NLGN4X: variants seen among roughly 807,000 people sequenced by gnomAD.
The protein encoded by NLGN4X is neuroligin-4, X-linked.
NLGN4X carries 3 observed loss-of-function variants against 40.3 expected under a neutral mutation model. That is an observed-to-expected ratio of 0.07 (90% confidence interval 0.03 to 0.19). The LOEUF (loss-of-function observed/expected upper bound fraction) is 0.19. Among genes scored for constraint, NLGN4X ranks in the 10% least tolerant of loss-of-function variants. The pLI, the probability that NLGN4X is intolerant of heterozygous loss-of-function variation, is 1.00. For synonymous variants in NLGN4X, 270 were observed against 306.8 expected (o/e 0.88, Z 1.25); for missense variants, 382 against 708.3 (o/e 0.54, Z 5.23).
At chrX:5,997,488 T>C (rs2035851160) in intron 3 of NLGN4X, among the ~76,000 whole-genome samples, 1 of 106,435 alleles carries the variant, frequency 9.4e-6, no homozygotes, top group African/African-American at 3.4e-5. Flanking sequence ...CTGTATTTCA[T>C]AGTTTTAATA....
At chrX:5,896,598 T>C (rs2031507984) in intron 5 of NLGN4X, among the ~76,000 whole-genome samples, 1 of 112,223 alleles carries the variant, frequency 8.9e-6, no homozygotes, top group African/African-American at 3.2e-5. Context: ...TTTCCACCTG[T>C]CCTGTTTTAT....
intron 2 of NLGN4X, among the ~76,000 whole-genome samples, chrX:6,085,900 T>A (rs1308182682): frequency 8.9e-6 from 1 of 112,173 alleles, no homozygotes; most frequent in African/African-American, 3.2e-5. Flanking sequence ...TGCCAGGGAA[T>A]GACTGACTGA....
intron 1 of NLGN4X, among the ~76,000 whole-genome samples, chrX:6,219,161 G>A (rs754273682): frequency 5.3e-5 from 5 of 94,782 alleles, no homozygotes; most frequent in Non-Finnish European, 6.3e-5. Context: ...GTGTGTGTGT[G>A]TATATATATA....
At chrX:5,947,651 T>C (rs1001607825) in intron 3 of NLGN4X, among the ~76,000 whole-genome samples, 3 of 111,976 alleles carry the variant, frequency 2.7e-5, no homozygotes, top group Non-Finnish European at 5.6e-5. Context: ...AAGTTGATAT[T>C]GGTAACAGAG....
At chrX:6,082,961 T>C (rs1047998061) in intron 2 of NLGN4X, among the ~76,000 whole-genome samples, 20 of 86,245 alleles carry the variant, frequency 2.3e-4, no homozygotes, top group South Asian at 1.9e-3. Context: ...TTTTTCTTTT[T>C]TTTTTTTTTT....
Position 6,029,145 on chromosome X carries a change from ATAAAG to A in NLGN4X, c.625+130_625+134del. On this transcript the variant is annotated intron_variant, in intron 3 of 5. Coordinates refer to ENST00000381095, the MANE Select transcript of NLGN4X (RefSeq NM_181332.3). ...AAAAGGAATAAACATATCCAATCACATAAAGTAAATACCGTGAAGTGGAATTAACC... is the reference window on the plus strand; with the variant it reads ...AAAAGGAATAAACATATCCAATCACATAAATACCGTGAAGTGGAATTAACC... 4.1e-6 allele frequency: 3 copies of A among 733,403 alleles called. No homozygotes were observed. The South Asian group carries it at 7.0e-5, about 17-fold the overall frequency. The allele number at this position is 733,403 out of a possible 1,213,427, so 60.4% of individuals were successfully genotyped here.
chrX:6,025,952 C>T (rs1158763386), intron 3 of NLGN4X, among the ~76,000 whole-genome samples: 1 of 108,812 alleles, frequency 9.2e-6, no homozygotes, highest in Non-Finnish European at 1.9e-5. Flanking sequence ...TATTGACAAG[C>T]AGATTATATA....
In NLGN4X at chrX:5,934,493, T is replaced by C. The variant is rs186760225; in HGVS notation, c.626-25254A>G. 4.4e-3 allele frequency among the ~76,000 whole-genome samples: 488 copies of C among 111,875 alleles called. 2 individuals carry two copies. Among genetic ancestry groups the C allele is most frequent in the African/African-American group, 0.015 (450 of 30,812 alleles). On this transcript the variant is annotated intron_variant, in intron 3 of 5. Transcript: ENST00000381095. ...AGGAATTCACCCTATGAATCTAATG[T>C]GGTAAAATCAGAAGTTAGTGCAAAT...
intron 5 of NLGN4X, among the ~76,000 whole-genome samples, chrX:5,896,879 A>T (rs1265871744): frequency 1.8e-5 from 2 of 112,202 alleles, no homozygotes; most frequent in Admixed American, 9.4e-5. Context: ...CTTTTTGGTA[A>T]TAAAGGTCGC....
At chrX:6,042,730 T>C (rs55643453) in intron 2 of NLGN4X, among the ~76,000 whole-genome samples, 8,036 of 20,326 alleles carry the variant, frequency 0.4, 1,340 homozygotes, top group African/African-American at 0.5. Flanking sequence ...TATATATATA[T>C]ACACACACAC....
chrX:6,043,903 G>A (rs1390637056), intron 2 of NLGN4X, among the ~76,000 whole-genome samples: 1 of 110,369 alleles, frequency 9.1e-6, no homozygotes, highest in Admixed American at 9.8e-5. Context: ...TACTGCCCAC[G>A]AAGGCTTTTG....
In NLGN4X at chrX:5,893,184, G is replaced by A. The variant is rs1200279731; in HGVS notation, c.2084C>T (p.Ala695Val). The A allele has an allele frequency of 2.5e-6, 3 of 1,211,624 alleles. No homozygotes were observed. Among genetic ancestry groups the A allele is most frequent in the Non-Finnish European group, 3.4e-6 (3 of 895,430 alleles). ...LLFLNILAFA[A>V]LYYKKDKRRH... The stretch of plus-strand genomic sequence containing the variant: ...CCTCTTGTCCTTTTTGTAGTACAGC[G>A]CCGCAAAAGCTAAGATGTTGAGGAA... The change falls in exon 6 of 6, where the codon GCG becomes GTG. Residue 695 changes from alanine to valine, a missense_variant. Around this residue, in one of 5 missense-constraint regions of NLGN4X, gnomAD observed 149 missense variants for 375.8 expected, o/e 0.40. Coordinates refer to ENST00000381095, the MANE Select transcript of NLGN4X (RefSeq NM_181332.3).
chrX:5,929,104 T>G (rs73450241), intron 3 of NLGN4X, among the ~76,000 whole-genome samples: 1,529 of 111,752 alleles, frequency 0.014, 26 homozygotes, highest in African/African-American at 0.047. Flanking sequence ...AAAAAAAATC[T>G]ACATAAGATT....
intron 2 of NLGN4X, among the ~76,000 whole-genome samples, chrX:6,144,481 A>T (rs2040008490): frequency 9.0e-6 from 1 of 111,686 alleles, no homozygotes; most frequent in Non-Finnish European, 1.9e-5. Context: ...TTACAGTTCT[A>T]AGGTCAGAGT....
intron 3 of NLGN4X, among the ~76,000 whole-genome samples, chrX:6,006,000 C>T (rs1195157597): frequency 9.0e-6 from 1 of 111,594 alleles, no homozygotes; most frequent in Non-Finnish European, 1.9e-5. Context: ...AATCAGTCTC[C>T]TAATCCTTCC....
chrX:6,189,811 G>T (rs1256463908), intron 1 of NLGN4X, among the ~76,000 whole-genome samples: 1 of 110,168 alleles, frequency 9.1e-6, no homozygotes, highest in Non-Finnish European at 1.9e-5. Flanking sequence ...GTGTGAGAGA[G>T]AAGACAAACA....
chrX:5,957,237 T>C (rs185248977), intron 3 of NLGN4X, among the ~76,000 whole-genome samples: 1 of 111,834 alleles, frequency 8.9e-6, no homozygotes, highest in Non-Finnish European at 1.9e-5. Context: ...TATTCATATG[T>C]ACCTTTTTTA....
At position 6,085,588 on chromosome X, in the gene NLGN4X, C is replaced by T. The variant is rs72609506; in HGVS notation, c.473-56156G>A. 5.2e-4 allele frequency among the ~76,000 whole-genome samples: 58 copies of T among 112,314 alleles called. No individual in the cohort carries two copies. The East Asian group carries it at 0.015, about 28-fold the overall frequency. On this transcript the variant is annotated intron_variant, in intron 2 of 5. Coordinates refer to ENST00000381095, the MANE Select transcript of NLGN4X (RefSeq NM_181332.3). ...TTCAACCTAATATTTTACTTACATA[C>T]CAAAAATGCCTTTGCCTTGAATTCT...
chrX:5,901,558 A>G (rs2031866580), intron 5 of NLGN4X, among the ~76,000 whole-genome samples: 1 of 111,439 alleles, frequency 9.0e-6, no homozygotes, highest in African/African-American at 3.3e-5. Context: ...CGCTCAGCAG[A>G]ATATTGGCAG....
Sources: gnomAD v4.1 joint callset for allele counts (sites outside exome capture counted in the v4.1 genomes callset) on GRCh38, gnomAD v4.1.1 for gene constraint, gnomAD v4.1.1 regional missense constraint, MANE v1.5 for transcripts, NCBI Gene and HGNC (gene_info 2026-07-23, HGNC 2026-07-21) for gene names.